The following BBS9 variants were observed in gnomAD, a reference collection of about 807,000 sequenced individuals.
BBS9 encodes protein PTHB1.
Under a neutral mutation model 117.7 loss-of-function variants are expected in BBS9, and 89 were observed. That is an observed-to-expected ratio of 0.76 (90% CI 0.64 to 0.90). BBS9 has a LOEUF of 0.90. BBS9 is among the 40% of genes least tolerant of loss of function. The pLI is 0.00. For missense variants in BBS9, 982 were observed against 1,042.2 expected, an observed-to-expected ratio of 0.94 and a Z score of 0.80; for synonymous variants, 379 against 370.9, an observed-to-expected ratio of 1.02 and a Z score of -0.25.
intron 19 of BBS9, among the ~76,000 whole-genome samples, chr7:33,434,271 T>A (rs1834959926): frequency 2.0e-5 from 3 of 150,792 alleles, no homozygotes; most frequent in Admixed American, 1.3e-4. Context: ...TCTAATTTCC[T>A]GTTTGCTAAA....
downstream of BBS9, among the ~76,000 whole-genome samples, chr7:33,606,346 G>A (rs914685554): frequency 6.6e-6 from 1 of 152,202 alleles, no homozygotes. Flanking sequence ...TTCTGAAAGA[G>A]CAACAGAAGG....
intron 19 of BBS9, among the ~76,000 whole-genome samples, chr7:33,413,182 T>A (rs1831429520): frequency 1.3e-5 from 2 of 152,174 alleles, no homozygotes; most frequent in Non-Finnish European, 1.5e-5. Context: ...AAGCAGGCAT[T>A]CCTACAACTC....
chr7:33,221,262 A>G (rs1393706585), intron 5 of BBS9, among the ~76,000 whole-genome samples: 1 of 152,208 alleles, frequency 6.6e-6, no homozygotes, highest in Non-Finnish European at 1.5e-5. Flanking sequence ...ATCAGAGATC[A>G]TATTTTATTC....
chr7:33,200,846 G>A (rs190811316), intron 5 of BBS9, among the ~76,000 whole-genome samples: 6 of 152,252 alleles, frequency 3.9e-5, no homozygotes, highest in African/African-American at 1.2e-4. Context: ...TGAATCAGTA[G>A]AAAAATTGAG....
intron 21 of BBS9, among the ~76,000 whole-genome samples, chr7:33,535,533 T>A (rs1165515431): frequency 6.6e-6 from 1 of 152,170 alleles, no homozygotes; most frequent in African/African-American, 2.4e-5. Context: ...TAGAAATGCT[T>A]TTCTATAGAG....
intron 5 of BBS9, among the ~76,000 whole-genome samples, chr7:33,193,191 T>C (rs1418867394): frequency 6.6e-6 from 1 of 152,210 alleles, no homozygotes; most frequent in Non-Finnish European, 1.5e-5. Flanking sequence ...GTATCTCCTA[T>C]ATATATCTAT....
chr7:33,633,510 CT>C (rs894796851), intron 21 of BBS9, among the ~76,000 whole-genome samples: 4,439 of 98,418 alleles, frequency 0.045, 152 homozygotes, highest in African/African-American at 0.15. Context: ...TAACTTTTTT[CT>C]TTTTTTTTTT....
chr7:33,177,664 G>T, intron 5 of BBS9, 73 bp downstream of exon 5: 1 of 1,102,174 alleles, frequency 9.1e-7, no homozygotes, highest in African/African-American at 1.5e-5. Context: ...TAAAACAGAG[G>T]ATTAAGTGGT....
chr7:33,350,686 A>G (rs959898809), intron 13 of BBS9, among the ~76,000 whole-genome samples: 1 of 152,084 alleles, frequency 6.6e-6, no homozygotes, highest in Non-Finnish European at 1.5e-5. Flanking sequence ...GTTTCTTTGT[A>G]CCTTGTTCTG....
At chr7:33,213,534 G>T (rs769545117) in intron 5 of BBS9, among the ~76,000 whole-genome samples, 9 of 152,150 alleles carry the variant, frequency 5.9e-5, no homozygotes, top group Non-Finnish European at 1.0e-4. Context: ...TTTTCCCTCT[G>T]CATTTCTCAA....
chr7:33,312,726 G>A (rs1187476607), intron 9 of BBS9, among the ~76,000 whole-genome samples: 6 of 152,030 alleles, frequency 3.9e-5, no homozygotes, highest in African/African-American at 9.7e-5. Context: ...GACCTCCCTA[G>A]CCTTAACACC....
chr7:33,389,976 C>CGT (rs1204308354), intron 19 of BBS9, among the ~76,000 whole-genome samples: 1 of 152,060 alleles, frequency 6.6e-6, no homozygotes, highest in Non-Finnish European at 1.5e-5. Flanking sequence ...CTGCCAATTT[C>CGT]GTGTGTGTGT....
intron 20 of BBS9, among the ~76,000 whole-genome samples, chr7:33,521,698 T>C (rs938451500): frequency 6.6e-6 from 1 of 152,162 alleles, no homozygotes; most frequent in Non-Finnish European, 1.5e-5. Flanking sequence ...GCTTTCATTT[T>C]TATGTTATTT....
At chr7:33,410,197 A>G (rs942039220) in intron 19 of BBS9, among the ~76,000 whole-genome samples, 1 of 152,196 alleles carries the variant, frequency 6.6e-6, no homozygotes, top group Non-Finnish European at 1.5e-5. Context: ...AATGTGTGTT[A>G]AAGAAGAGAT....
intron 9 of BBS9, among the ~76,000 whole-genome samples, chr7:33,288,378 C>G (rs1246299811): frequency 6.6e-6 from 1 of 152,238 alleles, no homozygotes; most frequent in South Asian, 2.1e-4. Context: ...AAATGAGAGA[C>G]TGCTACATTG....
intron 19 of BBS9, among the ~76,000 whole-genome samples, chr7:33,438,832 G>C (rs1215244592): frequency 6.6e-6 from 1 of 152,196 alleles, no homozygotes; most frequent in East Asian, 1.9e-4. Flanking sequence ...ATTTCACAAA[G>C]CTGGCGAATG....
intron 5 of BBS9, among the ~76,000 whole-genome samples, chr7:33,180,694 G>A (rs920846662): frequency 4.6e-5 from 7 of 152,200 alleles, no homozygotes; most frequent in East Asian, 1.9e-4. Flanking sequence ...TTTCGGCACC[G>A]AGGACAAGCA....
At chr7:33,216,116 G>C (rs1789007874) in intron 5 of BBS9, among the ~76,000 whole-genome samples, 1 of 152,156 alleles carries the variant, frequency 6.6e-6, no homozygotes, top group South Asian at 2.1e-4. Context: ...TCCCTTACAA[G>C]GCAATGCATA....
chr7:33,485,556 G>A (rs906467408), intron 19 of BBS9, among the ~76,000 whole-genome samples: 2 of 151,990 alleles, frequency 1.3e-5, no homozygotes, highest in African/African-American at 2.4e-5. Flanking sequence ...TGATCCACCT[G>A]CCTCGGCTTC....
Sources: gnomAD v4.1 joint callset for allele counts (sites outside exome capture counted in the v4.1 genomes callset) on GRCh38, gnomAD v4.1.1 for gene constraint, MANE v1.5 for transcripts, NCBI Gene and HGNC (gene_info 2026-07-23, HGNC 2026-07-21) for gene names.